Variants in COMMD1 observed in about 807,000 individuals in gnomAD.
COMMD1 encodes COMM domain-containing protein 1.
In COMMD1, 10 loss-of-function variants were observed where a neutral mutation model predicts 17.2. That is an observed-to-expected ratio of 0.58 (90% CI 0.36 to 0.99). COMMD1 has a LOEUF of 0.99. COMMD1 is among the 50% of genes least tolerant of loss of function. The pLI, the probability that COMMD1 is intolerant of heterozygous loss-of-function variation, is 0.01. For missense variants in COMMD1, 270 were observed against 231.8 expected, an observed-to-expected ratio of 1.17 and a Z score of -1.07; for synonymous variants, 97 against 91.6, an observed-to-expected ratio of 1.06 and a Z score of -0.34.
At chr2:61,982,207 T>C (rs963971142) in intron 1 of COMMD1, among the ~76,000 whole-genome samples, 3 of 152,224 alleles carry the variant, frequency 2.0e-5, no homozygotes, top group Non-Finnish European at 4.4e-5. Flanking sequence ...GCGCTTTCAC[T>C]TCTTTGGTTA....
chr2:62,136,027 C>A lies in COMMD1; in HGVS notation c.*86C>A. 6 of 757,348 alleles carry A rather than the reference C, an allele frequency of 7.9e-6. No homozygotes were observed. Among genetic ancestry groups the A allele is most frequent in the Non-Finnish European group, 1.4e-5 (6 of 415,336 alleles). 46.9% of individuals were successfully genotyped at this position (757,348 alleles called of 1,614,324 possible). A position where few individuals can be genotyped will look rare whatever the true frequency, so the allele number is the denominator to read the frequency against. ...GACCTTTTCTAAGAAAATTCTTGTG[C>A]CCGCATTGGTATTAAATCCTCGCAT... On this transcript the variant is annotated 3_prime_UTR_variant, in exon 3 of 3. Coordinates refer to ENST00000311832, the MANE Select transcript of COMMD1 (RefSeq NM_152516.4).
intron 2 of COMMD1, among the ~76,000 whole-genome samples, chr2:62,082,061 C>A (rs946715694): frequency 1.3e-5 from 2 of 152,124 alleles, no homozygotes; most frequent in African/African-American, 2.4e-5. Flanking sequence ...CGTTGGACCA[C>A]AGAATTAACC....
intron 2 of COMMD1, among the ~76,000 whole-genome samples, chr2:62,054,681 G>A (rs1451257734): frequency 6.6e-6 from 1 of 152,070 alleles, no homozygotes; most frequent in East Asian, 1.9e-4. Context: ...TAGAGAGGTG[G>A]ATAGATAATG....
intron 2 of COMMD1, among the ~76,000 whole-genome samples, chr2:62,111,269 C>G (rs1444634202): frequency 6.6e-6 from 1 of 152,068 alleles, no homozygotes; most frequent in Middle Eastern, 3.4e-3. Context: ...ATCTGACACG[C>G]CAACAAGGAC....
chr2:61,940,471 T>G (rs892224857), intron 1 of COMMD1, among the ~76,000 whole-genome samples: 5 of 152,202 alleles, frequency 3.3e-5, no homozygotes, highest in African/African-American at 1.2e-4. Context: ...CCCAGACCAT[T>G]CTACCTTTTC....
At chr2:62,063,934 C>G (rs1411751155) in intron 2 of COMMD1, among the ~76,000 whole-genome samples, 1 of 131,650 alleles carries the variant, frequency 7.6e-6, no homozygotes, top group African/African-American at 2.8e-5. Context: ...GTAATCCTAG[C>G]TACTCAGGAG....
chr2:62,035,603 G>A (rs1573097643), intron 2 of COMMD1, among the ~76,000 whole-genome samples: 1 of 151,934 alleles, frequency 6.6e-6, no homozygotes, highest in East Asian at 1.9e-4. Context: ...GCTGGGCATG[G>A]TGGTGCATGC....
intron 1 of COMMD1, among the ~76,000 whole-genome samples, chr2:61,928,954 A>C (rs1268007463): frequency 6.6e-6 from 1 of 152,222 alleles, no homozygotes; most frequent in East Asian, 1.9e-4. Context: ...AATGCAAGGA[A>C]TGGCAAGCCA....
intron 2 of COMMD1, among the ~76,000 whole-genome samples, chr2:62,100,663 G>C (rs984854566): frequency 2.0e-5 from 3 of 152,150 alleles, no homozygotes; most frequent in Non-Finnish European, 2.9e-5. Flanking sequence ...TCCACAGAAA[G>C]GAAATGTCCA....
At chr2:62,021,387 G>A (rs1669611059) in intron 2 of COMMD1, among the ~76,000 whole-genome samples, 1 of 152,152 alleles carries the variant, frequency 6.6e-6, no homozygotes, top group South Asian at 2.1e-4. Flanking sequence ...TTCAGCATTT[G>A]TTCAGTGGAA....
upstream of COMMD1, chr2:61,888,437 T>A (rs749405108): frequency 5.0e-6 from 8 of 1,612,140 alleles, no homozygotes; most frequent in African/African-American, 6.7e-5. Context: ...GCGGTCCTGA[T>A]AGGCGCCTTT....
In COMMD1 at chr2:62,136,032, A is replaced by G; in HGVS notation, c.*91A>G. 1 of 744,544 alleles carries G rather than the reference A, an allele frequency of 1.3e-6. No individual in the cohort carries two copies. The highest frequency in any genetic ancestry group is 2.5e-6 in the Non-Finnish European group (1 of 407,086). The allele number at this position is 744,544 out of a possible 1,614,324, so 46.1% of individuals were successfully genotyped here. A position where few individuals can be genotyped will look rare whatever the true frequency, so the allele number is the denominator to read the frequency against. On this transcript the variant is annotated 3_prime_UTR_variant, in exon 3 of 3. Transcript: ENST00000311832. Reference sequence around the variant, plus strand: ...TTTCTAAGAAAATTCTTGTGCCCGCATTGGTATTAAATCCTCGCATTCAGT... The same window carrying G: ...TTTCTAAGAAAATTCTTGTGCCCGCGTTGGTATTAAATCCTCGCATTCAGT...
At chr2:61,930,487 C>T (rs191418370) in intron 1 of COMMD1, among the ~76,000 whole-genome samples, 19 of 152,096 alleles carry the variant, frequency 1.2e-4, no homozygotes, top group Admixed American at 7.2e-4. Context: ...ACCTGTGAGG[C>T]GGAGGTTGCA....
intron 2 of COMMD1, among the ~76,000 whole-genome samples, chr2:62,126,005 G>A (rs1672875941): frequency 6.6e-6 from 1 of 152,046 alleles, no homozygotes; most frequent in African/African-American, 2.4e-5. Flanking sequence ...CCACTTATAA[G>A]TGAGAACATG....
At position 61,974,138 on chromosome 2, in the gene COMMD1, G is replaced by A. The variant is rs573341554; in HGVS notation, c.181-26563G>A. 1.1e-4 allele frequency among the ~76,000 whole-genome samples: 17 copies of A among 152,044 alleles called. No homozygotes were observed. In the South Asian group the frequency reaches 3.5e-3, roughly 32 times the overall value. On this transcript the variant is annotated intron_variant, in intron 1 of 2. Transcript: ENST00000311832. ...GTGAAACCCTGTCTCTACTAAAAAT[G>A]CAAAAATTAACCTGGTGTGGTGGCA...
At chr2:62,118,935 C>A (rs566543600) in intron 2 of COMMD1, 1 of 152,318 alleles carries the variant, frequency 6.6e-6, no homozygotes, top group Non-Finnish European at 1.5e-5. Context: ...TTACCAGATG[C>A]TTGATAAGCA....
intron 2 of COMMD1, among the ~76,000 whole-genome samples, chr2:62,054,772 T>C (rs1461876410): frequency 1.3e-5 from 2 of 152,182 alleles, no homozygotes; most frequent in Non-Finnish European, 2.9e-5. Flanking sequence ...TTTACCTTAT[T>C]TGGGTGATGG....
rs144125148 is a variant in COMMD1, at chr2:62,028,890, G to C, written c.462+27908G>C. Among the ~76,000 whole-genome samples the C allele has an allele frequency of 1.1e-4, 16 of 152,068 alleles. No homozygotes were observed. The East Asian group carries it at 3.1e-3, about 29-fold the overall frequency. On this transcript the variant is annotated intron_variant, in intron 2 of 2. Coordinates refer to ENST00000311832, the MANE Select transcript of COMMD1 (RefSeq NM_152516.4). Reference sequence around the variant, plus strand: ...GATGTCCTAAAAACTGCCAGTTTTTGTCCCTAGGCTGCTTTTATCTAAATG... The same window carrying C: ...GATGTCCTAAAAACTGCCAGTTTTTCTCCCTAGGCTGCTTTTATCTAAATG...
rs564744395 is a variant in COMMD1, at chr2:62,013,190, C to T, written c.462+12208C>T. The stretch of plus-strand genomic sequence containing the variant: ...CACTAAGGTTGGAATTGCTTTTCTG[C>T]ACATTAAAAGCAATTCTCTTTTTCC... On this transcript the variant is annotated intron_variant, in intron 2 of 2. Transcript: ENST00000311832. 9.2e-5 allele frequency among the ~76,000 whole-genome samples: 14 copies of T among 151,704 alleles called. 1 individual carries two copies. The South Asian group carries it at 2.9e-3, about 32-fold the overall frequency.
Sources: allele counts gnomAD v4.1 joint callset (sites outside exome capture counted in the v4.1 genomes callset), GRCh38; gene constraint gnomAD v4.1.1; transcripts MANE v1.5; gene names NCBI Gene and HGNC (gene_info 2026-07-23, HGNC 2026-07-21).